Variants in LDLRAD3 observed in about 807,000 individuals in gnomAD.
The protein encoded by LDLRAD3 is low-density lipoprotein receptor class A domain-containing protein 3.
In LDLRAD3, 20 loss-of-function variants were observed where a neutral mutation model predicts 29.4. The ratio of observed to expected loss-of-function variants is 0.68; its 90% confidence interval spans 0.48 to 0.99. The LOEUF is 0.99. LDLRAD3 is among the 50% of genes least tolerant of loss of function. The pLI is 0.00. For missense variants in LDLRAD3, 420 were observed against 454.3 expected, an observed-to-expected ratio of 0.92 and a Z score of 0.69; for synonymous variants, 157 against 192.7, an observed-to-expected ratio of 0.81 and a Z score of 1.53.
At chr11:36,028,718 A>G (rs1054645863) in intron 1 of LDLRAD3, among the ~76,000 whole-genome samples, 1 of 152,226 alleles carries the variant, frequency 6.6e-6, no homozygotes, top group South Asian at 2.1e-4. Context: ...CCCAATGATT[A>G]TGAAAATATT....
At chr11:35,995,052 G>C (rs576402858) in intron 1 of LDLRAD3, among the ~76,000 whole-genome samples, 1 of 152,170 alleles carries the variant, frequency 6.6e-6, no homozygotes, top group Non-Finnish European at 1.5e-5. Flanking sequence ...TGTTGATGTT[G>C]ATATTTTGAC....
At chr11:35,949,477 C>A (rs991073032) in intron 1 of LDLRAD3, among the ~76,000 whole-genome samples, 2 of 152,088 alleles carry the variant, frequency 1.3e-5, no homozygotes, top group Non-Finnish European at 2.9e-5. Flanking sequence ...TTCTTCTGGG[C>A]TCCCCTTTCC....
chr11:36,099,702 T>C (rs1853417269), intron 4 of LDLRAD3, among the ~76,000 whole-genome samples: 1 of 152,228 alleles, frequency 6.6e-6, no homozygotes, highest in African/African-American at 2.4e-5. Flanking sequence ...TTGGTGTTTA[T>C]GCTATTAAAA....
chr11:36,086,625 T>C (rs1305129849), intron 3 of LDLRAD3, among the ~76,000 whole-genome samples: 3 of 152,192 alleles, frequency 2.0e-5, no homozygotes, highest in Non-Finnish European at 4.4e-5. Context: ...GTAAACAGTT[T>C]TATGGGTTAG....
intron 2 of LDLRAD3, among the ~76,000 whole-genome samples, chr11:36,057,726 G>GA: frequency 6.6e-6 from 1 of 152,170 alleles, no homozygotes; most frequent in East Asian, 1.9e-4. Context: ...AATGAATTCT[G>GA]ACCTTTCCAT....
intron 2 of LDLRAD3, among the ~76,000 whole-genome samples, chr11:36,057,973 G>A (rs1449845455): frequency 2.0e-5 from 3 of 152,178 alleles, no homozygotes; most frequent in Non-Finnish European, 2.9e-5. Flanking sequence ...GAGGGATGAA[G>A]TACCTCATCT....
At chr11:36,066,545 A>C (rs1373913131) in intron 2 of LDLRAD3, among the ~76,000 whole-genome samples, 3 of 152,214 alleles carry the variant, frequency 2.0e-5, no homozygotes, top group African/African-American at 4.8e-5. Flanking sequence ...CTTTATCCAC[A>C]TATGTGTGTG....
intron 1 of LDLRAD3, among the ~76,000 whole-genome samples, chr11:35,952,406 A>G (rs1851147427): frequency 6.6e-6 from 1 of 152,190 alleles, no homozygotes; most frequent in South Asian, 2.1e-4. Context: ...TTAGAGAGCC[A>G]TTGGAGTGGG....
At chr11:35,947,271 G>A (rs987967445) in intron 1 of LDLRAD3, among the ~76,000 whole-genome samples, 11 of 152,218 alleles carry the variant, frequency 7.2e-5, no homozygotes, top group Non-Finnish European at 1.3e-4. Context: ...CACTTTGGGA[G>A]GCCAAGATGT....
At chr11:36,208,156 A>G (rs1855235407) in intron 4 of LDLRAD3, among the ~76,000 whole-genome samples, 1 of 152,194 alleles carries the variant, frequency 6.6e-6, no homozygotes, top group Non-Finnish European at 1.5e-5. Flanking sequence ...ACAAAAAAAT[A>G]AGAACATGGA....
At position 36,218,521 on chromosome 11, in the gene LDLRAD3, G is replaced by A. The variant is rs544875629; in HGVS notation, c.455-8564G>A. Among the ~76,000 whole-genome samples the A allele has an allele frequency of 4.6e-4, 70 of 152,304 alleles. 2 individuals carry two copies. In the South Asian group the frequency reaches 0.014, roughly 30 times the overall value. ...GACTCTCACGGAGGTTTTCTTCCTG[G>A]CCTGGGCCTGGATGTGGCCATGAGA... On this transcript the variant is annotated intron_variant, in intron 4 of 5. Coordinates refer to ENST00000315571, the MANE Select transcript of LDLRAD3 (RefSeq NM_174902.4).
At chr11:36,041,501 A>G (rs1047087328) in intron 2 of LDLRAD3, among the ~76,000 whole-genome samples, 1 of 152,210 alleles carries the variant, frequency 6.6e-6, no homozygotes, top group African/African-American at 2.4e-5. Flanking sequence ...CTGCTTTTTA[A>G]AAAGATTCTA....
intron 4 of LDLRAD3, among the ~76,000 whole-genome samples, chr11:36,102,491 C>T (rs1292742542): frequency 6.9e-6 from 1 of 144,608 alleles, no homozygotes; most frequent in African/African-American, 2.5e-5. Context: ...TTTATGGGAG[C>T]CCCTCCTCCT....
At chr11:35,952,343 C>A (rs1264399303) in intron 1 of LDLRAD3, among the ~76,000 whole-genome samples, 1 of 152,104 alleles carries the variant, frequency 6.6e-6, no homozygotes, top group Non-Finnish European at 1.5e-5. Flanking sequence ...TCCAGCATTG[C>A]ATAGGGATGT....
At chr11:36,223,835 C>T (rs1855462316) in intron 4 of LDLRAD3, among the ~76,000 whole-genome samples, 2 of 151,880 alleles carry the variant, frequency 1.3e-5, no homozygotes, top group South Asian at 4.2e-4. Flanking sequence ...GGTGGCTCCC[C>T]CAGCTTTCTA....
At chr11:36,025,703 A>G (rs374294890) in intron 1 of LDLRAD3, among the ~76,000 whole-genome samples, 124 of 145,114 alleles carry the variant, frequency 8.5e-4, no homozygotes, top group African/African-American at 2.8e-3. Flanking sequence ...TTTTTTTTTA[A>G]GACAAATCTT....
chr11:36,132,754 C>T (rs1212044321), intron 4 of LDLRAD3, among the ~76,000 whole-genome samples: 1 of 152,220 alleles, frequency 6.6e-6, no homozygotes, highest in Non-Finnish European at 1.5e-5. Flanking sequence ...CAAGTGAATG[C>T]AGCGGTTTAA....
chr11:36,144,506 A>G (rs1432990688), intron 4 of LDLRAD3, among the ~76,000 whole-genome samples: 2 of 139,134 alleles, frequency 1.4e-5, no homozygotes, highest in Admixed American at 7.1e-5. Flanking sequence ...CTGGCCGCCC[A>G]TCGTCTGAGA....
intron 3 of LDLRAD3, among the ~76,000 whole-genome samples, chr11:36,087,316 TTTAA>T (rs1287344780): frequency 1.3e-5 from 2 of 152,216 alleles, no homozygotes; most frequent in African/African-American, 2.4e-5. Context: ...ATTATTTATT[TTTAA>T]TTGTAAGAAT....
Sources: gnomAD v4.1 joint callset for allele counts (sites outside exome capture counted in the v4.1 genomes callset) on GRCh38, gnomAD v4.1.1 for gene constraint, MANE v1.5 for transcripts, NCBI Gene and HGNC (gene_info 2026-07-23, HGNC 2026-07-21) for gene names.